LRRC1: variants seen among roughly 807,000 people sequenced by gnomAD.
LRRC1 encodes the protein leucine rich repeat containing 1, also known as leucine-rich repeat-containing protein 1.
LRRC1 carries 28 observed loss-of-function variants against 69.9 expected under a neutral mutation model. That is an observed-to-expected ratio of 0.40 (90% CI 0.30 to 0.55). The LOEUF is 0.55. Among genes scored for constraint, LRRC1 ranks in the 20% least tolerant of loss-of-function variants. The pLI is 0.47. For synonymous variants in LRRC1, 236 were observed against 240.2 expected (o/e 0.98, Z 0.16); for missense variants, 498 against 609.0 (o/e 0.82, Z 1.92).
At chr6:53,795,468 C>T (rs1764267478) in intron 1 of LRRC1, 53 bp downstream of exon 1, 1 of 1,542,118 alleles carries the variant, frequency 6.5e-7, no homozygotes, top group African/African-American at 1.4e-5. Flanking sequence ...CTGTCCCTTC[C>T]GCTCCCATCC....
At chr6:53,883,973 C>T (rs1213622827) in intron 4 of LRRC1, 1 of 718,062 alleles carries the variant, frequency 1.4e-6, no homozygotes, top group East Asian at 2.7e-5. Flanking sequence ...TAGCTGACAC[C>T]TGTTCAGCCA....
At chr6:53,915,839 T>C (rs1457531211) in intron 11 of LRRC1, among the ~76,000 whole-genome samples, 1 of 152,210 alleles carries the variant, frequency 6.6e-6, no homozygotes, top group East Asian at 1.9e-4. Flanking sequence ...TCACTACTTA[T>C]TAAAAGTATC....
intron 11 of LRRC1, 42 bp downstream of exon 11, chr6:53,914,011 T>C (rs1431873963): frequency 2.2e-6 from 3 of 1,346,462 alleles, no homozygotes; most frequent in South Asian, 1.2e-5. Context: ...GAAACAAATA[T>C]ACATACATCC....
At chr6:53,866,581 T>C (rs766932869) in intron 2 of LRRC1, among the ~76,000 whole-genome samples, 1 of 152,178 alleles carries the variant, frequency 6.6e-6, no homozygotes, top group African/African-American at 2.4e-5. Flanking sequence ...CAAGGAGTAT[T>C]GGGCACTGTG....
At chr6:53,830,102 A>G (rs1486416483) in intron 1 of LRRC1, among the ~76,000 whole-genome samples, 2 of 152,232 alleles carry the variant, frequency 1.3e-5, no homozygotes, top group East Asian at 3.8e-4. Flanking sequence ...TGTGGTAGTG[A>G]GATGGCTCAC....
intron 2 of LRRC1, among the ~76,000 whole-genome samples, chr6:53,864,298 C>G (rs1379237456): frequency 6.6e-6 from 1 of 152,142 alleles, no homozygotes; most frequent in Non-Finnish European, 1.5e-5. Flanking sequence ...AACTTGCTTC[C>G]TCTCTCCCCA....
rs1238943173 is a variant in LRRC1, at chr6:53,923,291, C to CT, written c.*504dup. On this transcript the variant is annotated 3_prime_UTR_variant, in exon 14 of 14. Transcript: ENST00000370888. Reference sequence around the variant, plus strand: ...TATTTCATAACAAAAATATGTATTTCTTTTTTGTTATTTTATCTTGAAAAC... The same window carrying CT: ...TATTTCATAACAAAAATATGTATTTCTTTTTTTGTTATTTTATCTTGAAAAC... The CT allele has an allele frequency of 1.3e-5, 2 of 152,616 alleles. No homozygotes were observed. Among genetic ancestry groups the CT allele is most frequent in the African/African-American group, 2.4e-5 (1 of 41,418 alleles). 9.5% of individuals were successfully genotyped at this position (152,616 alleles called of 1,614,324 possible). A position where few individuals can be genotyped will look rare whatever the true frequency, so the allele number is the denominator to read the frequency against.
intron 1 of LRRC1, among the ~76,000 whole-genome samples, chr6:53,824,654 G>C (rs973623952): frequency 3.9e-5 from 6 of 152,152 alleles, no homozygotes; most frequent in African/African-American, 1.4e-4. Flanking sequence ...CCTGAGGTTT[G>C]CTTTTCTGCT....
At chr6:53,845,282 T>C in intron 2 of LRRC1, among the ~76,000 whole-genome samples, 1 of 152,108 alleles carries the variant, frequency 6.6e-6, no homozygotes, top group East Asian at 1.9e-4. Context: ...AACCAACAGG[T>C]ATAGGGGTCT....
At chr6:53,796,025 C>T (rs1764289853) in intron 1 of LRRC1, among the ~76,000 whole-genome samples, 1 of 152,172 alleles carries the variant, frequency 6.6e-6, no homozygotes, top group African/African-American at 2.4e-5. Context: ...GAGAGCTGGG[C>T]CTGGAGCGCT....
intron 4 of LRRC1, among the ~76,000 whole-genome samples, chr6:53,884,312 C>T (rs1255123079): frequency 2.0e-5 from 3 of 152,076 alleles, no homozygotes; most frequent in South Asian, 2.1e-4. Context: ...CAAGACCAGC[C>T]TGGGCAACAT....
intron 1 of LRRC1, among the ~76,000 whole-genome samples, chr6:53,826,980 A>G (rs1765284569): frequency 6.6e-6 from 1 of 152,222 alleles, no homozygotes; most frequent in Admixed American, 6.5e-5. Context: ...TCTAATGTGC[A>G]TCCAGGCTTA....
chr6:53,876,211 C>T (rs1767063441), intron 2 of LRRC1, among the ~76,000 whole-genome samples: 1 of 152,148 alleles, frequency 6.6e-6, no homozygotes, highest in African/African-American at 2.4e-5. Flanking sequence ...TGCAGGGAAA[C>T]TCCCCCTTAT....
chr6:53,819,795 T>C (rs1310291141), intron 1 of LRRC1, among the ~76,000 whole-genome samples: 1 of 152,218 alleles, frequency 6.6e-6, no homozygotes, highest in Non-Finnish European at 1.5e-5. Flanking sequence ...TAAAATGTGC[T>C]ACCTCAAATG....
At chr6:53,834,532 T>C (rs1765554314) in intron 1 of LRRC1, among the ~76,000 whole-genome samples, 1 of 152,188 alleles carries the variant, frequency 6.6e-6, no homozygotes, top group Non-Finnish European at 1.5e-5. Context: ...GGATTTCTAC[T>C]GTGTGATCCT....
At chr6:53,846,485 G>A (rs936040816) in intron 2 of LRRC1, among the ~76,000 whole-genome samples, 3 of 152,188 alleles carry the variant, frequency 2.0e-5, no homozygotes, top group East Asian at 1.9e-4. Flanking sequence ...TTCCGATGCC[G>A]CTGGGCCTTC....
chr6:53,896,853 A>G lies in LRRC1; in HGVS notation c.528A>G (p.Leu176=), dbSNP rs909461718. ...GCTCTCTTACCCAGCTGCGAAGACT[A>G]GAAGAACTTGATTTAGGAAACAATG... ...LPDSLTQLRR[L]EELDLGNNEI... The change falls in exon 6 of 14, where the codon CTA becomes CTG. Residue 176 remains leucine (L), a synonymous_variant. Coordinates refer to ENST00000370888, the MANE Select transcript of LRRC1 (RefSeq NM_018214.5). 2.5e-6 allele frequency: 4 copies of G among 1,602,672 alleles called. No homozygotes were observed. Among genetic ancestry groups the G allele is most frequent in the Non-Finnish European group, 3.4e-6 (4 of 1,169,994 alleles).
chr6:53,867,814 G>A (rs1219141222), intron 2 of LRRC1, among the ~76,000 whole-genome samples: 1 of 151,810 alleles, frequency 6.6e-6, no homozygotes, highest in Non-Finnish European at 1.5e-5. Flanking sequence ...AATTAGCTGG[G>A]CGTGGTGGCG....
chr6:53,871,294 A>C (rs928772517), intron 2 of LRRC1, among the ~76,000 whole-genome samples: 1 of 151,986 alleles, frequency 6.6e-6, no homozygotes, highest in Non-Finnish European at 1.5e-5. Flanking sequence ...CCTTGCCGGT[A>C]TTTGTTGTTT....
Sources: gnomAD v4.1 joint callset for allele counts (sites outside exome capture counted in the v4.1 genomes callset) on GRCh38, gnomAD v4.1.1 for gene constraint, MANE v1.5 for transcripts, NCBI Gene and HGNC (gene_info 2026-07-23, HGNC 2026-07-21) for gene names.